BMPR1B: variants seen among roughly 807,000 people sequenced by gnomAD.
BMPR1B encodes the protein bone morphogenetic protein receptor type-1B.
Under a neutral mutation model 59.1 loss-of-function variants are expected in BMPR1B, and 12 were observed. That is an observed-to-expected ratio of 0.20 (90% CI 0.13 to 0.33). The LOEUF is 0.33. Among genes scored for constraint, BMPR1B ranks in the 10% least tolerant of loss-of-function variants. The pLI is 1.00. For synonymous variants in BMPR1B, 237 were observed against 207.3 expected, an observed-to-expected ratio of 1.14 and a Z score of -1.23; for missense variants, 550 against 610.9, an observed-to-expected ratio of 0.90 and a Z score of 1.05.
chr4:95,114,936 CTGCACAAAAACATT>C, intron 5 of BMPR1B, 114 bp downstream of exon 5: 2 of 1,001,232 alleles, frequency 2.0e-6, no homozygotes, highest in Non-Finnish European at 3.2e-6. Flanking sequence ...TAGTCATGAG[CTGCACAAAAACATT>C]TAGGTCAGCA....
intron 2 of BMPR1B, among the ~76,000 whole-genome samples, chr4:94,993,676 G>T (rs1378077088): frequency 6.8e-6 from 1 of 147,842 alleles, no homozygotes; most frequent in Non-Finnish European, 1.5e-5. Flanking sequence ...TAGGAGAATT[G>T]CCTGAATCCA....
intron 3 of BMPR1B, among the ~76,000 whole-genome samples, chr4:95,009,365 G>T (rs1723070099): frequency 2.6e-5 from 4 of 152,062 alleles, no homozygotes; most frequent in Admixed American, 2.6e-4. Context: ...ACAAATGAAA[G>T]AAATCTGGAA....
chr4:94,844,745 T>A (rs1725249791), intron 1 of BMPR1B, among the ~76,000 whole-genome samples: 1 of 152,164 alleles, frequency 6.6e-6, no homozygotes, highest in African/African-American at 2.4e-5. Flanking sequence ...TTCACCAGAT[T>A]TTGCTCTGGG....
intron 6 of BMPR1B, among the ~76,000 whole-genome samples, chr4:95,121,273 T>G (rs549405963): frequency 6.6e-6 from 1 of 152,290 alleles, no homozygotes; most frequent in African/African-American, 2.4e-5. Context: ...CTGAAAGAAA[T>G]CAGAGACAAC....
chr4:94,762,733 G>A (rs529843142), intron 1 of BMPR1B, among the ~76,000 whole-genome samples: 4 of 152,304 alleles, frequency 2.6e-5, no homozygotes, highest in Admixed American at 1.3e-4. Flanking sequence ...AGGCCATGTG[G>A]GTGGCTATGA....
intron 2 of BMPR1B, among the ~76,000 whole-genome samples, chr4:94,970,302 TTCTTTCTC>T (rs1730733902): frequency 2.2e-5 from 2 of 92,766 alleles, no homozygotes; most frequent in South Asian, 8.5e-4. Flanking sequence ...TTCTCTTCTC[TTCTTTCTC>T]TCTCTCTTTC....
chr4:95,134,506 T>C (rs1245006107), intron 10 of BMPR1B, among the ~76,000 whole-genome samples: 1 of 152,180 alleles, frequency 6.6e-6, no homozygotes, highest in Admixed American at 6.5e-5. Context: ...TGTTCCTATT[T>C]CTCCACATCC....
chr4:95,073,502 A>T (rs1056211253), intron 3 of BMPR1B, among the ~76,000 whole-genome samples: 1 of 152,164 alleles, frequency 6.6e-6, no homozygotes, highest in African/African-American at 2.4e-5. Context: ...TCCCAACATC[A>T]TAACCATTTT....
chr4:94,798,048 T>G (rs933113768), intron 1 of BMPR1B, among the ~76,000 whole-genome samples: 2 of 152,244 alleles, frequency 1.3e-5, no homozygotes, highest in Non-Finnish European at 2.9e-5. Flanking sequence ...GTTTACCACT[T>G]ACAGCATTTG....
At chr4:95,104,596 C>T in intron 4 of BMPR1B, 29 bp downstream of exon 4, 2 of 1,612,486 alleles carry the variant, frequency 1.2e-6, no homozygotes, top group Non-Finnish European at 1.7e-6. Flanking sequence ...TTAAAGCTAG[C>T]TTTAACAAAA....
chr4:94,955,976 CTT>C (rs891486836), intron 2 of BMPR1B, among the ~76,000 whole-genome samples: 1 of 152,146 alleles, frequency 6.6e-6, no homozygotes, highest in Non-Finnish European at 1.5e-5. Flanking sequence ...AGCAAATACT[CTT>C]TCCTCATTTT....
chr4:94,965,860 A>G (rs1157798973), intron 2 of BMPR1B, among the ~76,000 whole-genome samples: 2 of 152,184 alleles, frequency 1.3e-5, no homozygotes, highest in Non-Finnish European at 2.9e-5. Context: ...AGCTCTGATC[A>G]GTATTTAAAG....
At chr4:95,046,962 C>T (rs1353025174) in intron 3 of BMPR1B, among the ~76,000 whole-genome samples, 1 of 152,154 alleles carries the variant, frequency 6.6e-6, no homozygotes, top group Non-Finnish European at 1.5e-5. Flanking sequence ...AGGTGTATAA[C>T]CATTTGGCAC....
chr4:95,036,953 G>T (rs527549039), intron 3 of BMPR1B, among the ~76,000 whole-genome samples: 2 of 152,044 alleles, frequency 1.3e-5, no homozygotes. Flanking sequence ...CACTAAAACT[G>T]GTGCTGCTGT....
At chr4:94,795,657 T>C (rs1361538751) in intron 1 of BMPR1B, among the ~76,000 whole-genome samples, 1 of 151,832 alleles carries the variant, frequency 6.6e-6, no homozygotes, top group East Asian at 1.9e-4. Flanking sequence ...AGAGACGGGG[T>C]TTCACCATAT....
intron 4 of BMPR1B, among the ~76,000 whole-genome samples, chr4:95,107,463 A>G (rs1040327592): frequency 1.3e-5 from 2 of 152,076 alleles, no homozygotes; most frequent in African/African-American, 4.8e-5. Context: ...AGAAGAAAGA[A>G]AAACAGCCAC....
chr4:94,879,590 G>A (rs1174453346), intron 2 of BMPR1B, among the ~76,000 whole-genome samples: 7 of 152,116 alleles, frequency 4.6e-5, no homozygotes, highest in African/African-American at 1.2e-4. Context: ...ATGACAGAGC[G>A]AGACCCTGTC....
At chr4:94,899,328 G>A (rs1173757540) in intron 2 of BMPR1B, among the ~76,000 whole-genome samples, 1 of 150,096 alleles carries the variant, frequency 6.7e-6, no homozygotes, top group Non-Finnish European at 1.5e-5. Context: ...CAGCCATTAG[G>A]ACCTGACTTT....
chr4:95,146,140 T>TA (rs2149322372), intron 10 of BMPR1B, among the ~76,000 whole-genome samples: 1 of 152,266 alleles, frequency 6.6e-6, no homozygotes, highest in South Asian at 2.1e-4. Flanking sequence ...ACAGATTACT[T>TA]ACTCAAATGT....
Sources: gnomAD v4.1 joint callset for allele counts (sites outside exome capture counted in the v4.1 genomes callset) on GRCh38, gnomAD v4.1.1 for gene constraint, MANE v1.5 for transcripts, NCBI Gene and HGNC (gene_info 2026-07-23, HGNC 2026-07-21) for gene names.